The following PI16 variants were observed in gnomAD, a reference collection of about 807,000 sequenced individuals.
PI16 encodes PSP94-binding protein.
Under a neutral mutation model 38.0 loss-of-function variants are expected in PI16, and 35 were observed. The observed-to-expected ratio is 0.92, with a 90% CI of 0.70 to 1.22. The LOEUF is 1.22. PI16 is among the 50% of genes most tolerant of loss of function. The pLI is 0.00. For missense variants in PI16, 572 were observed against 593.8 expected, an observed-to-expected ratio of 0.96 and a Z score of 0.38; for synonymous variants, 275 against 252.9, an observed-to-expected ratio of 1.09 and a Z score of -0.83.
At chr6:36,952,029 C>T (rs142331592), upstream of PI16, among the ~76,000 whole-genome samples, 281 of 148,830 alleles carry the variant, frequency 1.9e-3, no homozygotes, top group African/African-American at 6.2e-3. Context: ...TTTGAGACTC[C>T]GTCACCCAGG....
rs538513081 is a variant in PI16 at position 36,957,519 on chromosome 6, C to T, written c.172-1626C>T. On this transcript the variant is annotated intron_variant, in intron 1 of 6. Transcript: ENST00000373674. ...TGGGCTTCTTGGTTCCTGCTGTTGT[C>T]CCAGGGCTGACACAATGCCCAGGAC... 7.9e-4 allele frequency among the ~76,000 whole-genome samples: 121 copies of T among 152,240 alleles called. 1 individual carries two copies. The Middle Eastern group carries it at 0.01, about 13-fold the overall frequency.
chr6:36,963,809 C>G lies in PI16; in HGVS notation c.1271-14C>G. On this transcript the variant is annotated splice_polypyrimidine_tract_variant and intron_variant, in intron 5 of 6. Transcript: ENST00000373674. ...CTGTCTCTAGGCTGAGGCAAAGCCT[C>G]TTTCTTCCCACAGGTGCAGAGGGCC... 6.4e-7 allele frequency: 1 copy of G among 1,572,124 alleles called. No individual in the cohort carries two copies. Among genetic ancestry groups the G allele is most frequent in the Non-Finnish European group, 8.6e-7 (1 of 1,162,218 alleles).
At chr6:36,961,857 C>T (rs780229660) in intron 3 of PI16, 29 bp from the exon 4 acceptor site, 4 of 1,583,802 alleles carry the variant, frequency 2.5e-6, no homozygotes, top group Admixed American at 3.3e-5. Context: ...TCGACCCCCT[C>T]CCCGCAGCAT....
At chr6:36,948,451 T>C (rs1763045792) in intron 1 of PI16, 1 of 152,214 alleles carries the variant, frequency 6.6e-6, no homozygotes, top group Non-Finnish European at 1.5e-5. Flanking sequence ...TTTATTTTAT[T>C]CATTTTAATG....
chr6:36,959,746 G>A (rs1199727555), intron 2 of PI16, among the ~76,000 whole-genome samples: 8 of 151,938 alleles, frequency 5.3e-5, no homozygotes, highest in Admixed American at 3.3e-4. Flanking sequence ...GCGCGGTGGC[G>A]CGCGCCAGCT....
intron 1 of PI16, among the ~76,000 whole-genome samples, chr6:36,956,049 C>T (rs888312494): frequency 4.6e-5 from 7 of 152,322 alleles, no homozygotes; most frequent in Admixed American, 6.5e-5. Context: ...AAGTTCTAAC[C>T]TCAGCCTAAT....
upstream of PI16, chr6:36,954,643 C>A (rs995683535): frequency 1.7e-5 from 25 of 1,465,430 alleles, no homozygotes; most frequent in Middle Eastern, 6.2e-4. Context: ...GTGAGTCGGG[C>A]TGGGCCTCAA....
In PI16 at chr6:36,962,732, C is replaced by T. The variant is rs1687040290; in HGVS notation, c.593-203C>T. On this transcript the variant is annotated intron_variant, in intron 4 of 6. Coordinates refer to ENST00000373674, the MANE Select transcript of PI16 (RefSeq NM_153370.3). The surrounding 1 kb of genome is among the most constrained non-coding windows in gnomAD (Gnocchi z 4.1). ...AGGTGATCCACCTGCCTCAGTCTCC[C>T]AAAGTGCTGGGATTACAGACGTGAG... is the stretch of plus-strand genomic sequence containing the variant. Among the ~76,000 whole-genome samples the T allele has an allele frequency of 6.6e-6, 1 of 152,172 alleles. No individual in the cohort carries two copies. Among genetic ancestry groups the T allele is most frequent in the African/African-American group, 2.4e-5 (1 of 41,430 alleles).
At chr6:36,959,489 C>A in intron 2 of PI16, 123 bp downstream of exon 2, 1 of 961,870 alleles carries the variant, frequency 1.0e-6, no homozygotes, top group Non-Finnish European at 1.5e-6. Context: ...AGTAGGCGGG[C>A]TTCACTCCAA....
intron 1 of PI16, among the ~76,000 whole-genome samples, chr6:36,948,619 T>C (rs1445272883): frequency 2.9e-5 from 2 of 67,860 alleles, no homozygotes; most frequent in African/African-American, 6.5e-5. Context: ...TCTTTTTTTT[T>C]TTCCTTCCTT....
Position 36,959,376 on chromosome 6 carries a change from C to A in PI16, c.393+10C>A. ...CGGCCACTACACGCAGGTGTGGGCC[C>A]GGCGGGCGAGGCGGGGCGGAGCCTC... On this transcript the variant is annotated intron_variant, in intron 2 of 6. Coordinates refer to ENST00000373674, the MANE Select transcript of PI16 (RefSeq NM_153370.3). 1 of 1,544,386 alleles carries A rather than the reference C, an allele frequency of 6.5e-7. No homozygotes were observed. The highest frequency in any genetic ancestry group is 2.4e-5 in the East Asian group (1 of 40,936).
chr6:36,953,779 G>T (rs1378479794), upstream of PI16, among the ~76,000 whole-genome samples: 1 of 152,108 alleles, frequency 6.6e-6, no homozygotes, highest in Non-Finnish European at 1.5e-5. Context: ...GACTGCTAAG[G>T]CTATTTCCCT....
chr6:36,953,479 T>C (rs13214150), upstream of PI16, among the ~76,000 whole-genome samples: 27,883 of 152,170 alleles, frequency 0.18, 3,144 homozygotes, highest in East Asian at 0.39. Context: ...ATGTGTTAAT[T>C]TTGTATCCTG....
In PI16 at chr6:36,954,948, C is replaced by A; in HGVS notation, c.171+17C>A. On this transcript the variant is annotated intron_variant, in intron 1 of 6. Coordinates refer to ENST00000373674, the MANE Select transcript of PI16 (RefSeq NM_153370.3). ...CTGCACATGGTAAGTGTGGCCACGG[C>A]CCTTGCTGGCTGGGATGGAAGGGGT... 1 of 1,609,506 alleles carries A rather than the reference C, an allele frequency of 6.2e-7. No homozygotes were observed. Among genetic ancestry groups the A allele is most frequent in the Non-Finnish European group, 8.5e-7 (1 of 1,178,430 alleles).
intron 2 of PI16, among the ~76,000 whole-genome samples, chr6:36,960,964 C>T (rs1227718729): frequency 6.6e-6 from 1 of 152,150 alleles, no homozygotes; most frequent in Non-Finnish European, 1.5e-5. Flanking sequence ...CACTGAGAAA[C>T]AACCAGAACA....
chr6:36,951,778 C>T (rs1269656559), upstream of PI16, among the ~76,000 whole-genome samples: 3 of 151,892 alleles, frequency 2.0e-5, no homozygotes, highest in East Asian at 2.0e-4. Flanking sequence ...GCATGTCTGA[C>T]GTCCCAGCCT....
chr6:36,950,867 C>T (rs1176565098), upstream of PI16, among the ~76,000 whole-genome samples: 3 of 152,238 alleles, frequency 2.0e-5, no homozygotes, highest in South Asian at 2.1e-4. This position sits in a 1 kb window ranked among gnomAD's most constrained non-coding sequence, Gnocchi z 4.2. Flanking sequence ...AACTCTTTCG[C>T]GTATATACCC....
In PI16 at chr6:36,959,165, C is replaced by T; in HGVS notation, c.192C>T (p.Ala64=). ...MLHMRWDEEL[A]AFAKAYARQC... ...TGCAGAGATGGGACGAGGAGCTGGC[C>T]GCCTTCGCCAAGGCCTACGCACGGC... Residue 64 remains alanine, a synonymous_variant, in exon 2 of 7, where the codon GCC becomes GCT. Coordinates refer to ENST00000373674, the MANE Select transcript of PI16 (RefSeq NM_153370.3). 6.2e-7 allele frequency: 1 copy of T among 1,609,664 alleles called. No homozygotes were observed. Among genetic ancestry groups the T allele is most frequent in the African/African-American group, 1.3e-5 (1 of 75,016 alleles).
chr6:36,956,323 T>C (rs1453592184), intron 1 of PI16, among the ~76,000 whole-genome samples: 6 of 152,206 alleles, frequency 3.9e-5, no homozygotes, highest in African/African-American at 1.2e-4. Context: ...GACTCATTGT[T>C]GGACTTCAGT....
Sources: allele counts gnomAD v4.1 joint callset (sites outside exome capture counted in the v4.1 genomes callset), GRCh38; gene constraint gnomAD v4.1.1; non-coding constraint Gnocchi (gnomAD v3.1); transcripts MANE v1.5; gene names NCBI Gene and HGNC (gene_info 2026-07-23, HGNC 2026-07-21).